Variants in ADCY10 observed in about 807,000 individuals in gnomAD.
ADCY10 encodes adenylate cyclase 10.
A neutral mutation model predicts 183.3 loss-of-function variants in ADCY10; 156 were observed. That is an observed-to-expected ratio of 0.85 (90% CI 0.75 to 0.97). ADCY10 has a LOEUF of 0.97. Ranked by LOEUF, ADCY10 falls within the 50% of genes least tolerant of loss-of-function variation. ADCY10 has a pLI of 0.00. For synonymous variants in ADCY10, 645 were observed against 670.0 expected (o/e 0.96, Z 0.58); for missense variants, 1,745 against 1,934.3 (o/e 0.90, Z 1.84).
Position 167,823,004 on chromosome 1 carries a change from T to G in ADCY10, c.4168+4A>C. 6.2e-7 allele frequency: 1 copy of G among 1,613,328 alleles called. No homozygotes were observed. Among genetic ancestry groups the G allele is most frequent in the Non-Finnish European group, 8.5e-7 (1 of 1,179,374 alleles). The stretch of plus-strand genomic sequence containing the variant: ...GTTCTTTTACATCCCAAACCCACAC[T>G]TACCAGAATAAAGCAGGATGTCCAA... On this transcript the variant is annotated splice_donor_region_variant and intron_variant, in intron 29 of 32. Transcript: ENST00000367851.
chr1:167,883,224 G>C (rs1482129821), intron 9 of ADCY10, among the ~76,000 whole-genome samples: 1 of 152,172 alleles, frequency 6.6e-6, no homozygotes, highest in Non-Finnish European at 1.5e-5. Flanking sequence ...TTTTAGTAGA[G>C]ACAGGGTTTC....
intron 25 of ADCY10, 57 bp from the exon 26 acceptor site, chr1:167,829,480 TA>T (rs1558156255): frequency 1.2e-6 from 2 of 1,605,022 alleles, no homozygotes; most frequent in Non-Finnish European, 1.7e-6. Context: ...TACCATGATT[TA>T]GGGGAGCACA....
rs920268771 is a variant in ADCY10 at position 167,829,225 on chromosome 1, G to A, written c.3750+42C>T. On this transcript the variant is annotated intron_variant, in intron 26 of 32. Transcript: ENST00000367851. Reference sequence around the variant, plus strand: ...TTTCACTAGGCTTTTCTTCCCAAATGAAATTCAGAAACTTAAAGGAGCAGC... The same window carrying A: ...TTTCACTAGGCTTTTCTTCCCAAATAAAATTCAGAAACTTAAAGGAGCAGC... The A allele has an allele frequency of 4.3e-6, 7 of 1,611,416 alleles. No individual in the cohort carries two copies. In the Admixed American group the frequency reaches 1.0e-4, roughly 23 times the overall value.
chr1:167,851,987 TA>T (rs1183263708), intron 18 of ADCY10, among the ~76,000 whole-genome samples: 1 of 152,202 alleles, frequency 6.6e-6, no homozygotes, highest in African/African-American at 2.4e-5. Flanking sequence ...GAAATTCACC[TA>T]ACATGCAATT....
chr1:167,878,406 T>C, intron 12 of ADCY10, 40 bp downstream of exon 12: 1 of 1,600,858 alleles, frequency 6.2e-7, no homozygotes, highest in Non-Finnish European at 8.6e-7. Context: ...CTCCCGCTTC[T>C]TTACTAAAAT....
At position 167,880,215 on chromosome 1, in the gene ADCY10, G is replaced by A. The variant is rs184595224; in HGVS notation, c.1140-24C>T. The stretch of plus-strand genomic sequence containing the variant: ...TTCTGGTGCAGGGGAGACAAGATTT[G>A]TGGGGAAAGAAATAAAGATAATGAG... On this transcript the variant is annotated intron_variant, in intron 10 of 32. Coordinates refer to ENST00000367851, the MANE Select transcript of ADCY10 (RefSeq NM_018417.6). The A allele has an allele frequency of 5.6e-6, 9 of 1,593,476 alleles. No homozygotes were observed. The South Asian group carries it at 1.0e-4, about 18-fold the overall frequency.
Position 167,833,012 on chromosome 1 carries a change from G to T in ADCY10, c.3568C>A (p.Gln1190Lys), listed in dbSNP as rs1377908310. Residue 1190 changes from glutamine (Q) to lysine (K), a missense_variant, in exon 25 of 33, where the codon CAG (glutamine) becomes AAG (lysine). Coordinates refer to ENST00000367851, the MANE Select transcript of ADCY10 (RefSeq NM_018417.6). ...CCTGGAGGTGGGCTCTCTTGGGCCTGCCGATTCACATAATGAAAGTGTCTG... is the reference window on the plus strand; with the variant it reads ...CCTGGAGGTGGGCTCTCTTGGGCCTTCCGATTCACATAATGAAAGTGTCTG... ...KNRHFHYVNR[Q>K]AQESPPPGKK... 6.2e-7 allele frequency: 1 copy of T among 1,613,908 alleles called. No homozygotes were observed. The highest frequency in any genetic ancestry group is 8.5e-7 in the Non-Finnish European group (1 of 1,179,960).
At chr1:167,811,591 T>A (rs995053676) in intron 31 of ADCY10, among the ~76,000 whole-genome samples, 19 of 152,058 alleles carry the variant, frequency 1.2e-4, no homozygotes, top group East Asian at 1.2e-3. Context: ...ATCTCAAAAA[T>A]AAATAAATAA....
rs372821382 is a variant in ADCY10, at chr1:167,887,826, G to T, written c.829-4198C>A. On this transcript the variant is annotated intron_variant, in intron 8 of 32. Transcript: ENST00000367851. ...TATCCCATCTGTCCATTTTTGCTTTGGTTGCCTGTGCTTGTGGGGTATTAC... is the reference window on the plus strand; with the variant it reads ...TATCCCATCTGTCCATTTTTGCTTTTGTTGCCTGTGCTTGTGGGGTATTAC... Among the ~76,000 whole-genome samples, 28 of 148,402 alleles carry T rather than the reference G, an allele frequency of 1.9e-4. 1 individual carries two copies. In the South Asian group the frequency reaches 2.3e-3, roughly 12 times the overall value.
chr1:167,813,692 GATT>G (rs1662355478), intron 31 of ADCY10, among the ~76,000 whole-genome samples: 1 of 152,132 alleles, frequency 6.6e-6, no homozygotes, highest in African/African-American at 2.4e-5. Context: ...GTTTTTAAGA[GATT>G]AATACGTTTT....
In ADCY10 at chr1:167,871,952, A is replaced by G. The variant is rs188659521; in HGVS notation, c.1463-1542T>C. Among the ~76,000 whole-genome samples the G allele has an allele frequency of 4.6e-3, 694 of 152,362 alleles. 26 individuals are homozygous for G. The highest frequency in any genetic ancestry group is 0.041 in the Admixed American group (629 of 15,308). On this transcript the variant is annotated intron_variant, in intron 13 of 32. Coordinates refer to ENST00000367851, the MANE Select transcript of ADCY10 (RefSeq NM_018417.6). ...AAAGGCTGCATAGCTGCACACCAAC[A>G]TGGCACATGTATACATATGTAACAA...
intron 9 of ADCY10, among the ~76,000 whole-genome samples, 184 bp from the exon 10 acceptor site, chr1:167,880,793 G>A (rs1382265169): frequency 6.6e-6 from 1 of 152,182 alleles, no homozygotes; most frequent in Admixed American, 6.5e-5. Flanking sequence ...TCAACAGGAG[G>A]GCTTGAGCCT....
At chr1:167,863,291 G>GCATTGTATGGAAGGA (rs1558202472) in intron 14 of ADCY10, among the ~76,000 whole-genome samples, 1 of 152,158 alleles carries the variant, frequency 6.6e-6, no homozygotes, top group Non-Finnish European at 1.5e-5. Context: ...GTATGGAAGG[G>GCATTGTATGGAAGGA]CATTGTATGG....
chr1:167,846,931 T>C (rs1261843448), intron 19 of ADCY10, among the ~76,000 whole-genome samples: 6 of 135,264 alleles, frequency 4.4e-5, no homozygotes, highest in Admixed American at 1.5e-4. Context: ...GTCCATCCTC[T>C]TTTTTTTTTT....
At chr1:167,865,080 T>G (rs1666587474) in intron 14 of ADCY10, among the ~76,000 whole-genome samples, 3 of 152,178 alleles carry the variant, frequency 2.0e-5, no homozygotes, top group Admixed American at 1.3e-4. Context: ...ATAAAAAATT[T>G]ATGCAAAAAA....
chr1:167,898,993 T>C lies in ADCY10; in HGVS notation c.642+430A>G, dbSNP rs561349029. On this transcript the variant is annotated intron_variant, in intron 6 of 32. Transcript: ENST00000367851. ...GAAGTCTCTCTTCTATCACTGAACT[T>C]CGCCGCACTTGCTCAACTCCAACCT... 4.6e-5 allele frequency among the ~76,000 whole-genome samples: 7 copies of C among 152,236 alleles called. No individual in the cohort carries two copies. The South Asian group carries it at 1.2e-3, about 27-fold the overall frequency.
chr1:167,856,060 T>C (rs1321448479), intron 17 of ADCY10, 105 bp downstream of exon 17: 2 of 1,295,154 alleles, frequency 1.5e-6, no homozygotes, highest in Non-Finnish European at 2.2e-6. Context: ...CCAGGAAAGA[T>C]ACTGAAATAG....
At chr1:167,912,722 C>T (rs1425191590) in intron 1 of ADCY10, among the ~76,000 whole-genome samples, 1 of 152,194 alleles carries the variant, frequency 6.6e-6, no homozygotes, top group Non-Finnish European at 1.5e-5. Flanking sequence ...TAAAATCACT[C>T]CACATGTGTC....
chr1:167,818,214 T>G lies in ADCY10; in HGVS notation c.4340A>C (p.Lys1447Thr). Residue 1447 changes from lysine (K) to threonine (T), a missense_variant, in exon 31 of 33, where the codon AAA becomes ACA. Transcript: ENST00000367851. ...CATGGTTCTTCTTGGCAAAAGATTT[T>G]TAGCTCTATTGGAAAATTTGTAAAA... is the stretch of plus-strand genomic sequence containing the variant. ...DNFYKFSNRA[K>T]NLLPRRTMTL... is the part of the protein sequence containing the mutation. 1 of 1,614,240 alleles carries G rather than the reference T, an allele frequency of 6.2e-7. No individual in the cohort carries two copies. Among genetic ancestry groups the G allele is most frequent in the Non-Finnish European group, 8.5e-7 (1 of 1,180,046 alleles).
Sources: gnomAD v4.1 joint callset for allele counts (sites outside exome capture counted in the v4.1 genomes callset) on GRCh38, gnomAD v4.1.1 for gene constraint, MANE v1.5 for transcripts, NCBI Gene and HGNC (gene_info 2026-07-23, HGNC 2026-07-21) for gene names.